SLC6A11: variants seen among roughly 807,000 people sequenced by gnomAD.
SLC6A11 encodes the protein solute carrier family 6 member 11, also known as sodium- and chloride-dependent GABA transporter 3.
In SLC6A11, 25 loss-of-function variants were observed where a neutral mutation model predicts 74.8. The observed-to-expected ratio is 0.33, with a 90% CI of 0.24 to 0.47. The LOEUF (loss-of-function observed/expected upper bound fraction) is 0.47. Ranked by LOEUF, SLC6A11 falls within the 20% of genes least tolerant of loss-of-function variation. The probability of loss-of-function intolerance (pLI) is 1.00; values close to 1 mark genes in which losing one functional copy is unlikely to be tolerated. For synonymous variants in SLC6A11, 330 were observed against 330.2 expected (o/e 1.00, Z 0.01); for missense variants, 574 against 837.0 (o/e 0.69, Z 3.88).
At chr3:10,908,356 A>G (rs1458435208) in intron 6 of SLC6A11, among the ~76,000 whole-genome samples, 1 of 152,182 alleles carries the variant, frequency 6.6e-6, no homozygotes, top group Non-Finnish European at 1.5e-5. Context: ...TATTCCTCAC[A>G]GCAGAGAACC....
At chr3:10,826,578 C>A (rs1476711709) in intron 4 of SLC6A11, among the ~76,000 whole-genome samples, 2 of 152,166 alleles carry the variant, frequency 1.3e-5, no homozygotes, top group Admixed American at 6.5e-5. Context: ...TGTTCATTGT[C>A]TGTATTCCCC....
intron 6 of SLC6A11, among the ~76,000 whole-genome samples, chr3:10,887,515 G>A (rs970975165): frequency 2.6e-5 from 4 of 151,946 alleles, no homozygotes; most frequent in East Asian, 1.9e-4. Flanking sequence ...GCCTGATCTC[G>A]GCTCACTGCA....
At chr3:10,933,069 C>T (rs1343510183) in intron 10 of SLC6A11, 82 bp from the exon 11 acceptor site, 1 of 928,476 alleles carries the variant, frequency 1.1e-6, no homozygotes, top group Admixed American at 1.7e-5. Flanking sequence ...GAGAGAGGGA[C>T]CTTCCTGAGG....
chr3:10,886,339 C>T (rs1004130873), intron 6 of SLC6A11, among the ~76,000 whole-genome samples: 2 of 152,140 alleles, frequency 1.3e-5, no homozygotes, highest in Middle Eastern at 3.2e-3. Flanking sequence ...TCAAGGAGCC[C>T]TCTGTGGCCT....
intron 5 of SLC6A11, among the ~76,000 whole-genome samples, chr3:10,871,212 T>G (rs1041075967): frequency 3.3e-5 from 5 of 152,206 alleles, no homozygotes; most frequent in African/African-American, 1.2e-4. Flanking sequence ...CCCCACTGGC[T>G]CAGTCTACCC....
intron 3 of SLC6A11, among the ~76,000 whole-genome samples, chr3:10,822,361 A>C (rs1224576757): frequency 2.0e-5 from 3 of 152,190 alleles, no homozygotes; most frequent in Non-Finnish European, 4.4e-5. Context: ...CATGGGTCCC[A>C]TGGTAGTGGG....
rs542711651 is a variant in SLC6A11, at chr3:10,871,811, C to T, written c.757-3150C>T. On this transcript the variant is annotated intron_variant, in intron 5 of 13. Transcript: ENST00000254488. The stretch of plus-strand genomic sequence containing the variant: ...AGATTGTGTTGATTACTTGACATGT[C>T]GATTGAGCTGATGGTTGATTTGGAA... Among the ~76,000 whole-genome samples, 9 of 152,154 alleles carry T rather than the reference C, an allele frequency of 5.9e-5. 1 individual carries two copies. The South Asian group carries it at 1.5e-3, about 25-fold the overall frequency.
chr3:10,823,228 C>G, intron 3 of SLC6A11, 74 bp from the exon 4 acceptor site: 2 of 1,118,462 alleles, frequency 1.8e-6, no homozygotes, highest in Non-Finnish European at 2.7e-6. Flanking sequence ...TGCGCATCAG[C>G]TCTGAATGTT....
At chr3:10,908,000 G>A (rs74279959) in intron 6 of SLC6A11, among the ~76,000 whole-genome samples, 2,768 of 152,234 alleles carry the variant, frequency 0.018, 116 homozygotes, top group East Asian at 0.12. Flanking sequence ...GCATGCTGGT[G>A]CATGCCTGTA....
At chr3:10,927,550 C>T (rs983344161) in intron 9 of SLC6A11, among the ~76,000 whole-genome samples, 1 of 152,194 alleles carries the variant, frequency 6.6e-6, no homozygotes, top group Non-Finnish European at 1.5e-5. Context: ...TACCCGGGCC[C>T]GTCTGCCTCT....
chr3:10,873,421 T>TATGGC (rs1694854907), intron 5 of SLC6A11, among the ~76,000 whole-genome samples: 1 of 150,242 alleles, frequency 6.7e-6, no homozygotes, highest in Non-Finnish European at 1.5e-5. Flanking sequence ...TATCCTATCC[T>TATGGC]ATCCTATCCT....
At chr3:10,859,254 G>A (rs1304529605) in intron 5 of SLC6A11, among the ~76,000 whole-genome samples, 2 of 152,210 alleles carry the variant, frequency 1.3e-5, no homozygotes, top group Non-Finnish European at 2.9e-5. Flanking sequence ...GTATGAGTCA[G>A]CCCTCTGTGA....
intron 4 of SLC6A11, chr3:10,823,654 G>A: frequency 2.4e-6 from 1 of 417,090 alleles, no homozygotes; most frequent in Non-Finnish European, 4.4e-6. Context: ...GAAGTACTTG[G>A]TGAAAGGATA....
intron 6 of SLC6A11, among the ~76,000 whole-genome samples, chr3:10,908,490 A>T (rs1026524929): frequency 6.6e-6 from 1 of 152,196 alleles, no homozygotes; most frequent in African/African-American, 2.4e-5. Context: ...TGGAAAAATC[A>T]TTTGAGAACA....
chr3:10,929,361 G>A lies in SLC6A11; in HGVS notation c.1371+22G>A, dbSNP rs41295968. 4.1e-3 allele frequency: 6,596 copies of A among 1,611,452 alleles called. 16 individuals are homozygous for A. The highest frequency in any genetic ancestry group is 5.2e-3 in the Non-Finnish European group (6,071 of 1,178,440). ...AGAGGTGAGTGGCATGGTTCGGGCC[G>A]CACGGGGTGAAGTGGGTGTGTGACG... On this transcript the variant is annotated intron_variant, in intron 10 of 13. Coordinates refer to ENST00000254488, the MANE Select transcript of SLC6A11 (RefSeq NM_014229.3).
intron 6 of SLC6A11, among the ~76,000 whole-genome samples, chr3:10,876,823 G>T (rs1183862639): frequency 6.9e-6 from 1 of 145,536 alleles, no homozygotes; most frequent in Non-Finnish European, 1.5e-5. Flanking sequence ...CAGAGGTGAG[G>T]CAGGCCAGGC....
At chr3:10,891,393 A>C (rs929564970) in intron 6 of SLC6A11, among the ~76,000 whole-genome samples, 2 of 152,228 alleles carry the variant, frequency 1.3e-5, no homozygotes, top group African/African-American at 2.4e-5. Flanking sequence ...TCAAGTAGCC[A>C]ATTAATATTA....
At chr3:10,923,267 C>T (rs1469975262) in intron 8 of SLC6A11, among the ~76,000 whole-genome samples, 1 of 144,444 alleles carries the variant, frequency 6.9e-6, no homozygotes, top group African/African-American at 2.5e-5. Flanking sequence ...AAAAAAAACA[C>T]AGGGCTCCTT....
At chr3:10,876,324 T>A (rs917445093) in intron 6 of SLC6A11, among the ~76,000 whole-genome samples, 1 of 152,230 alleles carries the variant, frequency 6.6e-6, no homozygotes, top group Non-Finnish European at 1.5e-5. Flanking sequence ...GGAAATTAGC[T>A]TCAACTGTTG....
Sources: allele counts gnomAD v4.1 joint callset (sites outside exome capture counted in the v4.1 genomes callset), GRCh38; gene constraint gnomAD v4.1.1; transcripts MANE v1.5; gene names NCBI Gene and HGNC (gene_info 2026-07-23, HGNC 2026-07-21).